FOXN3: variants seen among roughly 807,000 people sequenced by gnomAD.
The protein encoded by FOXN3 is forkhead box N3.
Under a neutral mutation model 38.4 loss-of-function variants are expected in FOXN3, and 7 were observed. The ratio of observed to expected loss-of-function variants is 0.18; its 90% confidence interval spans 0.10 to 0.34. The LOEUF (loss-of-function observed/expected upper bound fraction) is 0.34. Among genes scored for constraint, FOXN3 ranks in the 10% least tolerant of loss-of-function variants. The pLI is 1.00. For synonymous variants in FOXN3, 230 were observed against 242.2 expected, an observed-to-expected ratio of 0.95 and a Z score of 0.47; for missense variants, 456 against 613.4, an observed-to-expected ratio of 0.74 and a Z score of 2.71.
intron 2 of FOXN3, 138 bp from the exon 3 acceptor site, chr14:89,350,946 T>C: frequency 1.8e-6 from 1 of 556,634 alleles, no homozygotes. Context: ...TTAAATATTA[T>C]ACTGACAGTA....
chr14:89,346,624 G>A lies in FOXN3; in HGVS notation c.680+4048C>T, dbSNP rs1011627951. The stretch of plus-strand genomic sequence containing the variant: ...GTATCAACATCACATCACTGAGGAT[G>A]GTACTTTCATCACCTGTGGCATACT... On this transcript the variant is annotated intron_variant, in intron 3 of 5. Coordinates refer to ENST00000557258, the MANE Select transcript of FOXN3 (RefSeq NM_005197.4). Among the ~76,000 whole-genome samples, 3 of 152,120 alleles carry A rather than the reference G, an allele frequency of 2.0e-5. No homozygotes were observed. The East Asian group carries it at 5.8e-4, about 29-fold the overall frequency.
At chr14:89,543,856 C>G (rs138144294) in intron 1 of FOXN3, among the ~76,000 whole-genome samples, 96 of 151,960 alleles carry the variant, frequency 6.3e-4, no homozygotes, top group African/African-American at 2.2e-3. Flanking sequence ...CTTCTGCATT[C>G]TAGTATACAA....
chr14:89,399,539 G>A (rs958654908), intron 2 of FOXN3, among the ~76,000 whole-genome samples: 12 of 152,158 alleles, frequency 7.9e-5, no homozygotes, highest in Non-Finnish European at 1.5e-4. Flanking sequence ...AAGCCAACTC[G>A]AGTGACTCTC....
intron 4 of FOXN3, among the ~76,000 whole-genome samples, chr14:89,202,758 T>C (rs1470056516): frequency 6.6e-6 from 1 of 152,188 alleles, no homozygotes; most frequent in Non-Finnish European, 1.5e-5. Context: ...CCCCTCCGCA[T>C]TTCGCATGAG....
intron 4 of FOXN3, among the ~76,000 whole-genome samples, chr14:89,258,408 AGAT>A (rs1188822202): frequency 6.6e-6 from 1 of 152,148 alleles, no homozygotes; most frequent in African/African-American, 2.4e-5. Flanking sequence ...ACTGATAGGG[AGAT>A]GATGATGATG....
At chr14:89,284,184 T>A (rs186145055) in intron 3 of FOXN3, among the ~76,000 whole-genome samples, 71 of 152,140 alleles carry the variant, frequency 4.7e-4, no homozygotes, top group South Asian at 1.7e-3. Flanking sequence ...ATTTTTTTTT[T>A]TAATTTTTTT....
Position 89,163,057 on chromosome 14 carries a change from T to C in FOXN3, c.852-88A>G. The C allele has an allele frequency of 8.1e-7, 1 of 1,240,140 alleles. No individual in the cohort carries two copies. Among genetic ancestry groups the C allele is most frequent in the Non-Finnish European group, 1.1e-6 (1 of 924,570 alleles). 76.8% of individuals were successfully genotyped at this position (1,240,140 alleles called of 1,614,324 possible). On this transcript the variant is annotated intron_variant, in intron 5 of 5. Transcript: ENST00000557258. The surrounding 1 kb of genome is among the most constrained non-coding windows in gnomAD (Gnocchi z 4.3). The stretch of plus-strand genomic sequence containing the variant: ...AGATGGGGGCACCCGGCAGCCCGCC[T>C]GCATTCAACCATCAGTCCCTTTGTG...
chr14:89,396,322 ATG>A (rs916170227), intron 2 of FOXN3, among the ~76,000 whole-genome samples: 2 of 152,234 alleles, frequency 1.3e-5, no homozygotes, highest in African/African-American at 4.8e-5. Context: ...AGGTGAAGCA[ATG>A]CACTGATGCA....
At chr14:89,537,993 C>T (rs1450445468) in intron 1 of FOXN3, among the ~76,000 whole-genome samples, 1 of 152,172 alleles carries the variant, frequency 6.6e-6, no homozygotes, top group Admixed American at 6.5e-5. Flanking sequence ...ACTATCCTTT[C>T]TTCTGAGGCT....
rs1887066767 is a variant in FOXN3, at chr14:89,160,243, A to T, written c.*2171T>A. 3 of 117,042 alleles carry T rather than the reference A, an allele frequency of 2.6e-5. No homozygotes were observed. The Admixed American group carries it at 3.5e-4, about 13-fold the overall frequency. 7.3% of individuals were successfully genotyped at this position (117,042 alleles called of 1,614,324 possible). A position where few individuals can be genotyped will look rare whatever the true frequency, so the allele number is the denominator to read the frequency against. On this transcript the variant is annotated 3_prime_UTR_variant, in exon 6 of 6. Coordinates refer to ENST00000557258, the MANE Select transcript of FOXN3 (RefSeq NM_005197.4). The stretch of plus-strand genomic sequence containing the variant: ...CCCCCCGCCCCCGCCATTAAAGAAA[A>T]TTTCTTAGGCAAAGGTAACAACAGG...
intron 3 of FOXN3, among the ~76,000 whole-genome samples, chr14:89,344,458 T>C (rs1358074366): frequency 6.6e-6 from 1 of 152,170 alleles, no homozygotes; most frequent in African/African-American, 2.4e-5. Context: ...TTTGATTAAA[T>C]GCAAAACCTG....
intron 1 of FOXN3, among the ~76,000 whole-genome samples, chr14:89,506,678 TAGAA>T (rs1893947413): frequency 6.6e-6 from 1 of 152,116 alleles, no homozygotes. Flanking sequence ...TTTTGTGGAA[TAGAA>T]AGGCGGGAAA....
chr14:89,224,804 G>T (rs2139846303), intron 4 of FOXN3, among the ~76,000 whole-genome samples: 1 of 152,230 alleles, frequency 6.6e-6, no homozygotes, highest in Admixed American at 6.5e-5. Flanking sequence ...TTCAAGACTA[G>T]CCTGGGTAAC....
intron 1 of FOXN3, among the ~76,000 whole-genome samples, chr14:89,465,379 G>A (rs1215606810): frequency 5.9e-5 from 9 of 152,066 alleles, no homozygotes; most frequent in African/African-American, 9.7e-5. Context: ...ACAGGCACCC[G>A]CCACCACTCC....
At chr14:89,177,306 C>T (rs1250810086) in intron 5 of FOXN3, among the ~76,000 whole-genome samples, 3 of 152,136 alleles carry the variant, frequency 2.0e-5, no homozygotes, top group African/African-American at 4.8e-5. Context: ...CCATCGTGCC[C>T]GGCCTCTTTA....
At position 89,200,330 on chromosome 14, in the gene FOXN3, T is replaced by C. The variant is rs149334148; in HGVS notation, c.746-19524A>G. 4.2e-3 allele frequency among the ~76,000 whole-genome samples: 634 copies of C among 152,326 alleles called. 7 individuals carry two copies. Among genetic ancestry groups the C allele is most frequent in the African/African-American group, 0.014 (594 of 41,576 alleles). On this transcript the variant is annotated intron_variant, in intron 4 of 5. Coordinates refer to ENST00000557258, the MANE Select transcript of FOXN3 (RefSeq NM_005197.4). ...GGGCATCTTTCTAACTCGTGTAAAT[T>C]GCCCATCTATTACCCCTCATTTCAC...
chr14:89,585,723 G>T (rs2139917765), intron 1 of FOXN3, among the ~76,000 whole-genome samples: 1 of 138,788 alleles, frequency 7.2e-6, no homozygotes, highest in Admixed American at 7.8e-5. Flanking sequence ...AGATTTATTT[G>T]TTCCTTCTCC....
chr14:89,193,609 C>A (rs1888022004), intron 4 of FOXN3, among the ~76,000 whole-genome samples: 1 of 152,082 alleles, frequency 6.6e-6, no homozygotes, highest in Non-Finnish European at 1.5e-5. Flanking sequence ...GTGGTAGTCA[C>A]TGAACGGAAA....
chr14:89,232,744 C>G (rs778092641), intron 4 of FOXN3, among the ~76,000 whole-genome samples: 1 of 152,166 alleles, frequency 6.6e-6, no homozygotes, highest in African/African-American at 2.4e-5. Flanking sequence ...GCCAGCCTTA[C>G]GAGACATAAT....
Sources: gnomAD v4.1 joint callset for allele counts (sites outside exome capture counted in the v4.1 genomes callset) on GRCh38, gnomAD v4.1.1 for gene constraint, Gnocchi (gnomAD v3.1) non-coding constraint, MANE v1.5 for transcripts, NCBI Gene and HGNC (gene_info 2026-07-23, HGNC 2026-07-21) for gene names.